PHF14: variants seen among roughly 807,000 people sequenced by gnomAD.
PHF14 encodes PHD finger protein 14.
A neutral mutation model predicts 117.9 loss-of-function variants in PHF14; 55 were observed. The observed-to-expected ratio is 0.47, with a 90% confidence interval of 0.38 to 0.58. The LOEUF (loss-of-function observed/expected upper bound fraction) is 0.58. PHF14 is among the 20% of genes least tolerant of loss of function. The pLI is 0.00. For synonymous variants in PHF14, 409 were observed against 368.6 expected, an observed-to-expected ratio of 1.11 and a Z score of -1.26; for missense variants, 978 against 1,122.2, an observed-to-expected ratio of 0.87 and a Z score of 1.84.
chr7:10,976,386 A>T (rs1256202503), intron 2 of PHF14, among the ~76,000 whole-genome samples: 8 of 152,192 alleles, frequency 5.3e-5, no homozygotes, highest in African/African-American at 1.9e-4. Flanking sequence ...ACCTTGGCAG[A>T]TAAGAATATT....
intron 17 of PHF14, among the ~76,000 whole-genome samples, chr7:11,164,674 G>A (rs757479186): frequency 7.9e-5 from 12 of 152,170 alleles, no homozygotes; most frequent in South Asian, 2.1e-4. Flanking sequence ...CAAAAATAGT[G>A]TAGAAATTTC....
intron 16 of PHF14, among the ~76,000 whole-genome samples, chr7:11,100,451 C>T (rs146393373): frequency 0.017 from 2,558 of 151,954 alleles, 65 homozygotes; most frequent in African/African-American, 0.058. Context: ...AACTGGGGTA[C>T]ATAGACACTA....
rs1196654321 is a variant in PHF14 at position 10,992,701 on chromosome 7, T to C, written c.1045+1854T>C. Among the ~76,000 whole-genome samples the C allele has an allele frequency of 1.3e-5, 2 of 152,092 alleles. 1 individual carries two copies. The highest frequency in any genetic ancestry group is 3.9e-4 in the East Asian group (2 of 5,168). ...AAACAAAAAAAGGCATTCTCTTACATAACCACATAATTATCAAAGTCAGGA... is the reference window on the plus strand; with the variant it reads ...AAACAAAAAAAGGCATTCTCTTACACAACCACATAATTATCAAAGTCAGGA... On this transcript the variant is annotated intron_variant, in intron 4 of 17. Transcript: ENST00000634607.
chr7:10,981,601 T>A (rs1188270112), intron 2 of PHF14, among the ~76,000 whole-genome samples: 7 of 152,172 alleles, frequency 4.6e-5, no homozygotes, highest in Non-Finnish European at 1.0e-4. Context: ...GACTGCTCAT[T>A]TTCAGGATGG....
intron 16 of PHF14, chr7:11,105,738 T>A: frequency 1.0e-6 from 1 of 984,868 alleles, no homozygotes; most frequent in South Asian, 4.7e-5. Context: ...AGTGCTCACT[T>A]TAAGGCTTTC....
intron 17 of PHF14, among the ~76,000 whole-genome samples, chr7:11,132,908 G>A: frequency 6.6e-6 from 1 of 151,578 alleles, no homozygotes; most frequent in Non-Finnish European, 1.5e-5. Flanking sequence ...CTGTTCTTTG[G>A]AGAAATGTCT....
chr7:11,150,948 G>A (rs1788683945), intron 17 of PHF14, among the ~76,000 whole-genome samples: 1 of 152,122 alleles, frequency 6.6e-6, no homozygotes, highest in Non-Finnish European at 1.5e-5. Context: ...AAACATTCAA[G>A]TACAGTTTAT....
chr7:11,032,497 TA>T (rs113622468), intron 7 of PHF14, among the ~76,000 whole-genome samples: 30,540 of 143,600 alleles, frequency 0.21, 4,495 homozygotes, highest in African/African-American at 0.44. Context: ...GAGCTTTGTT[TA>T]AAAAAAAAAA....
At chr7:11,063,697 G>T in intron 16 of PHF14, 1 of 893,878 alleles carries the variant, frequency 1.1e-6, no homozygotes, top group Non-Finnish European at 1.3e-6. Context: ...TTGGAAATTA[G>T]GAACCTGAGA....
Position 10,983,133 on chromosome 7 carries a change from A to G in PHF14, c.874A>G (p.Thr292Ala). The G allele has an allele frequency of 6.3e-7, 1 of 1,596,836 alleles. No individual in the cohort carries two copies. Among genetic ancestry groups the G allele is most frequent in the South Asian group, 1.1e-5 (1 of 90,844 alleles). The change falls in exon 3 of 18, where the codon ACC becomes GCC. Residue 292 changes from threonine (T) to alanine (A), a missense_variant. Physicochemically the swap from Thr to Ala is moderately conservative, Grantham distance 58 (BLOSUM62 0). Around this residue, in one of 7 missense-constraint regions of PHF14, gnomAD observed 414 missense variants for 376.4 expected, o/e 1.10. Transcript: ENST00000634607. ...DDEELTNDSL[T>A]LSQSKSNEDS... ...TGAGGAACTGACCAATGATAGCCTG[A>G]CCCTATCTCAAAGCAAGAGTAATGA...
At position 10,982,355 on chromosome 7, in the gene PHF14, T is replaced by TC; in HGVS notation, c.113-16dup. On this transcript the variant is annotated splice_polypyrimidine_tract_variant and intron_variant, in intron 2 of 17. Transcript: ENST00000634607. ...ATATACATATGTGTGGTTTTTTTTT[T>TC]CTCATATTTTCAACAGATTCTGAAG... 2 of 1,510,304 alleles carry TC rather than the reference T, an allele frequency of 1.3e-6. No homozygotes were observed. The highest frequency in any genetic ancestry group is 1.4e-5 in the South Asian group (1 of 72,804). The allele number at this position is 1,510,304 out of a possible 1,614,324, so 93.6% of individuals were successfully genotyped here.
At chr7:11,063,469 A>G in intron 16 of PHF14, 12 of 981,726 alleles carry the variant, frequency 1.2e-5, no homozygotes, top group Non-Finnish European at 1.5e-5. Context: ...TAATTCAGGA[A>G]AATTCCCTTG....
At chr7:11,162,295 G>A (rs984715858) in intron 17 of PHF14, among the ~76,000 whole-genome samples, 2 of 151,752 alleles carry the variant, frequency 1.3e-5, no homozygotes, top group African/African-American at 4.8e-5. Context: ...TCTCCTTGCT[G>A]GCCAGGCTGG....
intron 17 of PHF14, among the ~76,000 whole-genome samples, chr7:11,165,330 C>T (rs1347921861): frequency 2.0e-5 from 3 of 152,108 alleles, no homozygotes; most frequent in Non-Finnish European, 4.4e-5. Context: ...TACCACAAAC[C>T]AGAGGTGATG....
chr7:11,085,317 G>A (rs190708814), intron 16 of PHF14, among the ~76,000 whole-genome samples: 3 of 152,226 alleles, frequency 2.0e-5, no homozygotes, highest in East Asian at 1.9e-4. Context: ...ATATTCTTCT[G>A]TTGATTTAAA....
intron 16 of PHF14, among the ~76,000 whole-genome samples, chr7:11,089,708 T>A (rs1453428871): frequency 6.6e-6 from 1 of 151,770 alleles, no homozygotes; most frequent in Non-Finnish European, 1.5e-5. Flanking sequence ...ATGAATATAC[T>A]ATTAAAAGTG....
intron 2 of PHF14, among the ~76,000 whole-genome samples, chr7:10,981,564 T>G (rs755387983): frequency 1.3e-5 from 2 of 152,204 alleles, no homozygotes; most frequent in African/African-American, 2.4e-5. Flanking sequence ...TTTAATGTCT[T>G]CAGCCTAACT....
At chr7:10,978,607 A>G (rs1286794289) in intron 2 of PHF14, among the ~76,000 whole-genome samples, 2 of 152,168 alleles carry the variant, frequency 1.3e-5, no homozygotes, top group African/African-American at 2.4e-5. Context: ...TGGTTTCTCA[A>G]CCTTGGCGCT....
Position 10,983,016 on chromosome 7 carries a change from G to A in PHF14, c.757G>A (p.Glu253Lys), listed in dbSNP as rs1476255272. 1.9e-6 allele frequency: 3 copies of A among 1,585,292 alleles called. No individual in the cohort carries two copies. The highest frequency in any genetic ancestry group is 2.6e-6 in the Non-Finnish European group (3 of 1,168,498). ...CGGGAGTGATGAAGACGAGAATGAT[G>A]AAGGCAATGATGAAGATCATAGTAG... ...GSGSDEDEND[E>K]GNDEDHSSPA... The change falls in exon 3 of 18, where the codon GAA becomes AAA. Residue 253 changes from glutamate to lysine, a missense_variant. By Grantham distance (56) the Glu-to-Lys change is moderately conservative (BLOSUM62 1). Coordinates refer to ENST00000634607, the MANE Select transcript of PHF14 (RefSeq NM_001007157.2).
Sources: gnomAD v4.1 joint callset for allele counts (sites outside exome capture counted in the v4.1 genomes callset) on GRCh38, gnomAD v4.1.1 for gene constraint, gnomAD v4.1.1 regional missense constraint, MANE v1.5 for transcripts, NCBI Gene and HGNC (gene_info 2026-07-23, HGNC 2026-07-21) for gene names.